RELN: variants seen among roughly 807,000 people sequenced by gnomAD.
RELN encodes reelin.
Under a neutral mutation model 427.6 loss-of-function variants are expected in RELN, and 108 were observed. That is an observed-to-expected ratio of 0.25 (90% CI 0.22 to 0.30). The LOEUF (loss-of-function observed/expected upper bound fraction) is 0.30, where lower values mean the gene tolerates loss of function less well. Among genes scored for constraint, RELN ranks in the 10% least tolerant of loss-of-function variants. The pLI is 1.00. For synonymous variants in RELN, 1,524 were observed against 1,513.4 expected (o/e 1.01, Z -0.16); for missense variants, 3,715 against 4,302.8 (o/e 0.86, Z 3.82).
chr7:103,517,651 T>C (rs781158340), intron 49 of RELN, among the ~76,000 whole-genome samples: 2 of 152,212 alleles, frequency 1.3e-5, no homozygotes, highest in Admixed American at 6.5e-5. Flanking sequence ...GTCTGTTATC[T>C]CCTACTAACA....
intron 3 of RELN, among the ~76,000 whole-genome samples, chr7:103,781,935 A>C (rs557221407): frequency 2.0e-4 from 31 of 152,252 alleles, no homozygotes; most frequent in African/African-American, 7.5e-4. Context: ...CATAATTAGA[A>C]ATAATTTTTC....
At chr7:103,804,291 GC>G (rs1302501875) in intron 3 of RELN, among the ~76,000 whole-genome samples, 1 of 152,078 alleles carries the variant, frequency 6.6e-6, no homozygotes, top group African/African-American at 2.4e-5. Context: ...TGATAACAAA[GC>G]CAAAATATTA....
chr7:103,862,289 G>T (rs1794086882), intron 2 of RELN, among the ~76,000 whole-genome samples: 1 of 152,124 alleles, frequency 6.6e-6, no homozygotes, highest in Non-Finnish European at 1.5e-5. Flanking sequence ...GTATGTGATT[G>T]CAGTTGATAG....
intron 3 of RELN, among the ~76,000 whole-genome samples, chr7:103,781,795 G>T: frequency 6.6e-6 from 1 of 151,264 alleles, no homozygotes; most frequent in East Asian, 1.9e-4. Flanking sequence ...CAGAGTTATG[G>T]TACATGGTGA....
intron 3 of RELN, among the ~76,000 whole-genome samples, chr7:103,795,306 G>A (rs1792274268): frequency 6.6e-6 from 1 of 152,204 alleles, no homozygotes; most frequent in Admixed American, 6.5e-5. Context: ...CATTTTCTGT[G>A]AATTTACTGT....
At chr7:103,566,187 A>T (rs1176388011) in intron 33 of RELN, 37 bp downstream of exon 33, 5 of 1,531,456 alleles carry the variant, frequency 3.3e-6, no homozygotes, top group Non-Finnish European at 4.5e-6. Flanking sequence ...CCTCTAGTTA[A>T]TCAGATATTT....
At chr7:103,643,798 T>C (rs1832741908) in intron 16 of RELN, among the ~76,000 whole-genome samples, 1 of 151,976 alleles carries the variant, frequency 6.6e-6, no homozygotes, top group Admixed American at 6.6e-5. Flanking sequence ...TTAGAATACA[T>C]AGATGAGATC....
intron 1 of RELN, among the ~76,000 whole-genome samples, chr7:103,960,945 T>G (rs1328057076): frequency 6.6e-6 from 1 of 152,250 alleles, no homozygotes; most frequent in Non-Finnish European, 1.5e-5. Context: ...GGGCAAACTT[T>G]TATGGATAGC....
intron 4 of RELN, among the ~76,000 whole-genome samples, chr7:103,760,377 G>A (rs912824420): frequency 6.6e-6 from 1 of 152,034 alleles, no homozygotes; most frequent in Non-Finnish European, 1.5e-5. Flanking sequence ...ATGAGGTCGT[G>A]TTTAATTCCC....
chr7:103,594,258 G>A (rs1174094284), intron 26 of RELN, 63 bp downstream of exon 26: 9 of 1,472,862 alleles, frequency 6.1e-6, no homozygotes, highest in Non-Finnish European at 7.6e-6. Flanking sequence ...AAGGAAATGA[G>A]TTCTTTATGC....
chr7:103,745,428 G>A (rs1275537742), intron 6 of RELN, among the ~76,000 whole-genome samples: 1 of 149,832 alleles, frequency 6.7e-6, no homozygotes, highest in South Asian at 2.1e-4. Context: ...CAATTAGGCA[G>A]GAGAAGGAAA....
Position 103,682,127 on chromosome 7 carries a change from G to A in RELN, c.1278C>T (p.Ser426=), listed in dbSNP as rs755465811. The part of the protein sequence containing the change: ...IQEQWSEEFE[S]QPTGWDVLGA... ...TAGCAATTACTTACCCTGTAGGCTG[G>A]CTCTCAAATTCTTCTGACCATTGCT... The change falls in exon 11 of 65, where the codon AGC becomes AGT. Residue 426 remains serine (S), a synonymous_variant. Transcript: ENST00000428762. 4.3e-6 allele frequency: 7 copies of A among 1,613,652 alleles called. No homozygotes were observed. In the African/African-American group the frequency reaches 5.3e-5, roughly 12 times the overall value.
intron 20 of RELN, among the ~76,000 whole-genome samples, chr7:103,622,485 G>A (rs1186767556): frequency 2.0e-5 from 3 of 152,076 alleles, no homozygotes; most frequent in Non-Finnish European, 4.4e-5. Flanking sequence ...TAAACATAAG[G>A]AAGATTACAT....
chr7:103,681,425 G>A (rs10487164), intron 11 of RELN, among the ~76,000 whole-genome samples: 22,401 of 151,954 alleles, frequency 0.15, 1,784 homozygotes, highest in Middle Eastern at 0.3. Flanking sequence ...CCTTATCACA[G>A]TGTTACAAAA....
At chr7:103,903,568 C>T (rs566083165) in intron 2 of RELN, among the ~76,000 whole-genome samples, 19 of 152,200 alleles carry the variant, frequency 1.2e-4, no homozygotes, top group African/African-American at 4.6e-4. Context: ...AAAATTATAA[C>T]ATTATTTTCA....
chr7:103,773,458 CCTCTCTCTCT>C (rs767597344), intron 4 of RELN, among the ~76,000 whole-genome samples: 1 of 120,768 alleles, frequency 8.3e-6, no homozygotes, highest in Non-Finnish European at 1.7e-5. Flanking sequence ...TCGCTCCCTC[CCTCTCTCTCT>C]CTCTCTCTCT....
At position 103,511,000 on chromosome 7, in the gene RELN, C is replaced by T. The variant is rs1584251064; in HGVS notation, c.8125G>A (p.Glu2709Lys). The change falls in exon 51 of 65, where the codon GAG (glutamate) becomes AAG (lysine). Residue 2709 changes from glutamate to lysine, a missense_variant. Transcript: ENST00000428762. ...MFMEDKTSVN[E>K]HWLFHDDCTV... is the part of the protein sequence containing the mutation. ...CAATCATCATGGAATAGCCAGTGCTCATTCACTTAAAACAAAAAAACAAAA... is the reference window on the plus strand; with the variant it reads ...CAATCATCATGGAATAGCCAGTGCTTATTCACTTAAAACAAAAAAACAAAA... 6.2e-7 allele frequency: 1 copy of T among 1,613,198 alleles called. No individual in the cohort carries two copies. Among genetic ancestry groups the T allele is most frequent in the Non-Finnish European group, 8.5e-7 (1 of 1,179,294 alleles).
At chr7:103,593,635 T>C in intron 27 of RELN, 47 bp downstream of exon 27, 1 of 1,493,376 alleles carries the variant, frequency 6.7e-7, no homozygotes, top group Non-Finnish European at 9.3e-7. Context: ...ATCTGGAAGA[T>C]ATTTTACTCC....
At position 103,604,270 on chromosome 7, in the gene RELN, A is replaced by G. The variant is rs1831757151; in HGVS notation, c.3146+76T>C. ...TTATCGGTCTATCCATGTCACTCTGATGACAACTGCTGTGGTATCCTCCAG... is the reference window on the plus strand; with the variant it reads ...TTATCGGTCTATCCATGTCACTCTGGTGACAACTGCTGTGGTATCCTCCAG... On this transcript the variant is annotated intron_variant, in intron 23 of 64. Transcript: ENST00000428762. 1.3e-5 allele frequency: 20 copies of G among 1,552,092 alleles called. No homozygotes were observed. In the South Asian group the frequency reaches 2.0e-4, roughly 16 times the overall value.
Sources: gnomAD v4.1 joint callset for allele counts (sites outside exome capture counted in the v4.1 genomes callset) on GRCh38, gnomAD v4.1.1 for gene constraint, MANE v1.5 for transcripts, NCBI Gene and HGNC (gene_info 2026-07-23, HGNC 2026-07-21) for gene names.